Variants in PCDH9 observed in about 807,000 individuals in gnomAD.
The protein encoded by PCDH9 is protocadherin 9, also known as protocadherin-9.
PCDH9 carries 24 observed loss-of-function variants against 70.6 expected under a neutral mutation model. That is an observed-to-expected ratio of 0.34 (90% confidence interval 0.25 to 0.48). The LOEUF is 0.48. Among genes scored for constraint, PCDH9 ranks in the 20% least tolerant of loss-of-function variants. The pLI is 0.99. For synonymous variants in PCDH9, 562 were observed against 558.5 expected, an observed-to-expected ratio of 1.01 and a Z score of -0.09; for missense variants, 1,281 against 1,503.6, an observed-to-expected ratio of 0.85 and a Z score of 2.45.
intron 2 of PCDH9, among the ~76,000 whole-genome samples, chr13:66,910,245 AACTG>A (rs1445393705): frequency 2.6e-5 from 4 of 152,244 alleles, no homozygotes; most frequent in South Asian, 2.1e-4. Context: ...AACAGTGAGA[AACTG>A]ACTGTTGCAC....
At chr13:67,132,241 A>G (rs539488527) in intron 2 of PCDH9, among the ~76,000 whole-genome samples, 1 of 152,248 alleles carries the variant, frequency 6.6e-6, no homozygotes, top group East Asian at 1.9e-4. Context: ...TTTCTTCCCG[A>G]TTAGCAGTTA....
intron 3 of PCDH9, among the ~76,000 whole-genome samples, chr13:66,649,185 T>G (rs776588183): frequency 2.0e-5 from 3 of 152,032 alleles, no homozygotes; most frequent in Admixed American, 6.6e-5. Context: ...GAGAAACATA[T>G]CAATATTCAA....
chr13:66,468,216 A>G (rs1261520968), intron 4 of PCDH9, among the ~76,000 whole-genome samples: 1 of 152,066 alleles, frequency 6.6e-6, no homozygotes, highest in African/African-American at 2.4e-5. Flanking sequence ...AGTGAAGGCC[A>G]AAAACCTTCA....
chr13:66,378,290 T>C (rs773634826), intron 4 of PCDH9, among the ~76,000 whole-genome samples: 1 of 152,228 alleles, frequency 6.6e-6, no homozygotes. Flanking sequence ...CCCTAGGTTT[T>C]GTGAGAAGTA....
chr13:67,224,751 AGAG>A, intron 2 of PCDH9: 1 of 772,638 alleles, frequency 1.3e-6, no homozygotes, highest in Non-Finnish European at 1.6e-6. Context: ...TTTTTTTGAA[AGAG>A]TATTTGGCCA....
chr13:66,536,218 C>A (rs4883780), intron 4 of PCDH9, among the ~76,000 whole-genome samples: 1 of 151,612 alleles, frequency 6.6e-6, no homozygotes, highest in Non-Finnish European at 1.5e-5. Flanking sequence ...GTTTATAAGG[C>A]GAGTTATTTA....
intron 3 of PCDH9, among the ~76,000 whole-genome samples, chr13:66,775,199 T>A (rs2079871363): frequency 6.6e-6 from 1 of 152,232 alleles, no homozygotes; most frequent in Non-Finnish European, 1.5e-5. Context: ...ATAAAGAGAT[T>A]TATTAGTGTC....
rs897594024 is a variant in PCDH9, at chr13:66,955,513, A to G, written c.3037-51908T>C. On this transcript the variant is annotated intron_variant, in intron 2 of 4. Transcript: ENST00000377865. ...TATGCCTCAGAACAAAAGGGGTCAC[A>G]TTGTTGGGACTTTTAAGGATTCTTT... Among the ~76,000 whole-genome samples, 15 of 152,274 alleles carry G rather than the reference A, an allele frequency of 9.9e-5. No homozygotes were observed. In the East Asian group the frequency reaches 2.7e-3, roughly 27 times the overall value.
intron 2 of PCDH9, among the ~76,000 whole-genome samples, chr13:67,024,854 T>G (rs2084748297): frequency 1.3e-5 from 2 of 152,256 alleles, no homozygotes; most frequent in Non-Finnish European, 2.9e-5. Context: ...AAAATAACAT[T>G]TTCTGATTTA....
chr13:67,050,701 A>G (rs983756676), intron 2 of PCDH9, among the ~76,000 whole-genome samples: 4 of 152,184 alleles, frequency 2.6e-5, no homozygotes, highest in Non-Finnish European at 5.9e-5. Context: ...CTAGCGTAAG[A>G]TACAAAACTA....
intron 4 of PCDH9, among the ~76,000 whole-genome samples, chr13:66,513,124 CATTCTTAT>C (rs891621913): frequency 6.6e-6 from 1 of 151,264 alleles, no homozygotes; most frequent in African/African-American, 2.4e-5. Flanking sequence ...GACCAGTACA[CATTCTTAT>C]ATTCTTATAT....
intron 3 of PCDH9, among the ~76,000 whole-genome samples, chr13:66,792,317 T>C (rs146174374): frequency 2.0e-5 from 3 of 152,238 alleles, no homozygotes; most frequent in Non-Finnish European, 4.4e-5. Flanking sequence ...AACATATGTA[T>C]ACATTGTACT....
At chr13:66,661,927 C>A (rs1227464699) in intron 3 of PCDH9, among the ~76,000 whole-genome samples, 3 of 152,080 alleles carry the variant, frequency 2.0e-5, no homozygotes, top group African/African-American at 7.2e-5. Context: ...CTCAAGTAAA[C>A]CAATAAAATA....
chr13:66,898,417 G>C (rs544707719), intron 3 of PCDH9, among the ~76,000 whole-genome samples: 2 of 151,886 alleles, frequency 1.3e-5, no homozygotes, highest in African/African-American at 4.8e-5. Flanking sequence ...AAAATATAAT[G>C]TAAAAATCTT....
intron 3 of PCDH9, among the ~76,000 whole-genome samples, chr13:66,810,603 T>C (rs1359037027): frequency 6.6e-6 from 1 of 152,028 alleles, no homozygotes; most frequent in Non-Finnish European, 1.5e-5. Flanking sequence ...CACCTAAGTA[T>C]ATGATGAAAC....
intron 4 of PCDH9, among the ~76,000 whole-genome samples, chr13:66,490,563 CT>C (rs1398542269): frequency 6.6e-6 from 1 of 152,062 alleles, no homozygotes; most frequent in Non-Finnish European, 1.5e-5. Context: ...ATTTCTGTGG[CT>C]TTTATTTTAC....
At chr13:66,576,218 T>C (rs537785405) in intron 4 of PCDH9, among the ~76,000 whole-genome samples, 35 of 152,204 alleles carry the variant, frequency 2.3e-4, no homozygotes, top group African/African-American at 8.4e-4. Flanking sequence ...AGTTTTATTC[T>C]TTTAAAATTT....
chr13:66,452,288 A>G (rs1438218459), intron 4 of PCDH9, among the ~76,000 whole-genome samples: 1 of 152,142 alleles, frequency 6.6e-6, no homozygotes, highest in East Asian at 1.9e-4. Flanking sequence ...CAGTTAGATT[A>G]TATAAAGGGC....
chr13:66,824,215 T>G (rs1487895751), intron 3 of PCDH9, among the ~76,000 whole-genome samples: 1 of 150,916 alleles, frequency 6.6e-6, no homozygotes, highest in Admixed American at 6.6e-5. Context: ...AACTAATATA[T>G]TTTCAAAATA....
Sources: gnomAD v4.1 joint callset for allele counts (sites outside exome capture counted in the v4.1 genomes callset) on GRCh38, gnomAD v4.1.1 for gene constraint, MANE v1.5 for transcripts, NCBI Gene and HGNC (gene_info 2026-07-23, HGNC 2026-07-21) for gene names.